LRRTM4: variants seen among roughly 807,000 people sequenced by gnomAD.
LRRTM4 encodes leucine rich repeat transmembrane neuronal 4.
In LRRTM4, 25 loss-of-function variants were observed where a neutral mutation model predicts 47.6. The ratio of observed to expected loss-of-function variants is 0.53; its 90% CI spans 0.38 to 0.73. LRRTM4 has a LOEUF of 0.73. Ranked by LOEUF, LRRTM4 falls within the 30% of genes least tolerant of loss-of-function variation. The pLI is 0.00. For missense variants in LRRTM4, 638 were observed against 713.4 expected, an observed-to-expected ratio of 0.89 and a Z score of 1.20; for synonymous variants, 311 against 269.5, an observed-to-expected ratio of 1.15 and a Z score of -1.51.
chr2:77,042,570 A>AATATGGGG (rs1679069951), intron 3 of LRRTM4, among the ~76,000 whole-genome samples: 1 of 151,702 alleles, frequency 6.6e-6, no homozygotes. Context: ...TCTAGAATAG[A>AATATGGGG]ATATGGGGTC....
intron 3 of LRRTM4, among the ~76,000 whole-genome samples, chr2:77,099,113 CTA>C (rs1398796515): frequency 1.3e-5 from 2 of 151,754 alleles, no homozygotes; most frequent in African/African-American, 4.8e-5. Flanking sequence ...ATCCTTTTAG[CTA>C]TAGAAATTTT....
At chr2:77,053,445 A>T (rs1208023684) in intron 3 of LRRTM4, among the ~76,000 whole-genome samples, 2 of 152,278 alleles carry the variant, frequency 1.3e-5, no homozygotes, top group East Asian at 3.9e-4. Flanking sequence ...ATAATAACAG[A>T]TCTGTGGAAA....
chr2:76,979,535 A>T (rs1676526698), intron 3 of LRRTM4, among the ~76,000 whole-genome samples: 1 of 146,784 alleles, frequency 6.8e-6, no homozygotes, highest in Non-Finnish European at 1.5e-5. Context: ...GCAAAACTGA[A>T]TTTCTGTATA....
At chr2:76,987,075 C>T (rs760865503) in intron 3 of LRRTM4, among the ~76,000 whole-genome samples, 20 of 151,634 alleles carry the variant, frequency 1.3e-4, no homozygotes, top group Non-Finnish European at 2.1e-4. Flanking sequence ...GGAGTATTTT[C>T]GAAGAATGAT....
At chr2:76,779,462 A>G (rs1216461566) in intron 3 of LRRTM4, among the ~76,000 whole-genome samples, 2 of 147,778 alleles carry the variant, frequency 1.4e-5, no homozygotes, top group Non-Finnish European at 3.0e-5. Flanking sequence ...GGGTGCATAT[A>G]TATTTAGGAT....
At chr2:76,866,078 C>T (rs1308313097) in intron 3 of LRRTM4, among the ~76,000 whole-genome samples, 1 of 152,038 alleles carries the variant, frequency 6.6e-6, no homozygotes, top group Non-Finnish European at 1.5e-5. Context: ...CTTTCCCCAT[C>T]TCTGAATGTA....
chr2:77,238,856 A>C (rs1675183901), intron 3 of LRRTM4, among the ~76,000 whole-genome samples: 1 of 152,184 alleles, frequency 6.6e-6, no homozygotes, highest in East Asian at 1.9e-4. Flanking sequence ...ATTCAGAAAA[A>C]AAATCTTTAA....
chr2:76,831,436 T>G (rs1354217017), intron 3 of LRRTM4, among the ~76,000 whole-genome samples: 1 of 152,158 alleles, frequency 6.6e-6, no homozygotes, highest in Non-Finnish European at 1.5e-5. Flanking sequence ...GCTTTGGTTC[T>G]TTATCTAATT....
chr2:77,295,577 A>C (rs2104143843), intron 3 of LRRTM4, among the ~76,000 whole-genome samples: 1 of 152,278 alleles, frequency 6.6e-6, no homozygotes, highest in South Asian at 2.1e-4. Flanking sequence ...GAGTGGCCTC[A>C]ACAGCAGAAA....
chr2:77,226,052 T>C (rs1368902338), intron 3 of LRRTM4, among the ~76,000 whole-genome samples: 2 of 151,536 alleles, frequency 1.3e-5, no homozygotes, highest in African/African-American at 4.8e-5. Flanking sequence ...TATAAAGTTA[T>C]ATATTTTATA....
intron 3 of LRRTM4, among the ~76,000 whole-genome samples, chr2:76,892,002 TAA>T (rs150354256): frequency 0.065 from 9,799 of 151,454 alleles, 707 homozygotes; most frequent in African/African-American, 0.17. Flanking sequence ...AAATTAAAAA[TAA>T]AAAAATTGCA....
At chr2:76,945,787 T>C (rs1675304597) in intron 3 of LRRTM4, among the ~76,000 whole-genome samples, 1 of 151,396 alleles carries the variant, frequency 6.6e-6, no homozygotes, top group African/African-American at 2.4e-5. Flanking sequence ...GTGTATGTAT[T>C]TATTTCAAAA....
chr2:77,383,862 G>C (rs1321461948), intron 3 of LRRTM4, among the ~76,000 whole-genome samples: 1 of 152,082 alleles, frequency 6.6e-6, no homozygotes, highest in Non-Finnish European at 1.5e-5. Context: ...ATCTACTTTA[G>C]TGGTGGGGCC....
chr2:77,049,667 TTTC>T (rs199668518), intron 3 of LRRTM4, among the ~76,000 whole-genome samples: 2,983 of 151,950 alleles, frequency 0.02, 109 homozygotes, highest in African/African-American at 0.068. Flanking sequence ...CTTGCTTGAG[TTTC>T]TTATTTATTA....
intron 3 of LRRTM4, among the ~76,000 whole-genome samples, chr2:77,485,909 T>C (rs1016983578): frequency 1.4e-4 from 21 of 151,676 alleles, no homozygotes; most frequent in Non-Finnish European, 2.1e-4. Flanking sequence ...TTTTTTTTTT[T>C]GTATTTTTAG....
chr2:77,307,431 A>G (rs2104183227), intron 3 of LRRTM4, among the ~76,000 whole-genome samples: 1 of 150,406 alleles, frequency 6.6e-6, no homozygotes, highest in South Asian at 2.1e-4. Flanking sequence ...TGTAATGTTT[A>G]GGATTTGTGC....
chr2:76,874,499 T>C (rs1189471230), intron 3 of LRRTM4, among the ~76,000 whole-genome samples: 2 of 152,028 alleles, frequency 1.3e-5, no homozygotes, highest in African/African-American at 4.8e-5. Context: ...TCTGATTTTA[T>C]ATGCTTTAAT....
intron 3 of LRRTM4, among the ~76,000 whole-genome samples, chr2:77,213,737 T>G (rs1234693125): frequency 6.6e-6 from 1 of 152,116 alleles, no homozygotes; most frequent in Non-Finnish European, 1.5e-5. Flanking sequence ...GTTACACTAA[T>G]CTCTTCTCTA....
At chr2:77,425,442 A>T (rs1029178982) in intron 3 of LRRTM4, among the ~76,000 whole-genome samples, 8 of 152,076 alleles carry the variant, frequency 5.3e-5, no homozygotes, top group African/African-American at 1.9e-4. Flanking sequence ...ATCTATATTT[A>T]CCTTGGTTTC....
Sources: allele counts gnomAD v4.1 joint callset (sites outside exome capture counted in the v4.1 genomes callset), GRCh38; gene constraint gnomAD v4.1.1; transcripts MANE v1.5; gene names NCBI Gene and HGNC (gene_info 2026-07-23, HGNC 2026-07-21).